Variants in CLDN16 observed in about 807,000 individuals in gnomAD.
CLDN16 encodes claudin 16.
In CLDN16, 13 loss-of-function variants were observed where a neutral mutation model predicts 24.6. The observed-to-expected ratio is 0.53, with a 90% CI of 0.34 to 0.84. The LOEUF is 0.84. Ranked by LOEUF, CLDN16 falls within the 40% of genes least tolerant of loss-of-function variation. The pLI is 0.01. For synonymous variants in CLDN16, 116 were observed against 106.7 expected (o/e 1.09, Z -0.54); for missense variants, 298 against 292.7 (o/e 1.02, Z -0.13).
intron 4 of CLDN16, 28 bp downstream of exon 4, chr3:190,408,533 C>T (rs1336452188): frequency 1.9e-6 from 3 of 1,598,530 alleles, no homozygotes; most frequent in Non-Finnish European, 1.7e-6. Flanking sequence ...TAGCAAATTT[C>T]CTTGCCTCCA....
chr3:190,348,270 A>C (rs1717596518), intron 1 of CLDN16, among the ~76,000 whole-genome samples: 1 of 139,706 alleles, frequency 7.2e-6, no homozygotes, highest in Non-Finnish European at 1.6e-5. Flanking sequence ...AAAAAAAAAA[A>C]AGAATAAATC....
At chr3:190,395,339 T>A (rs758786784) in intron 1 of CLDN16, among the ~76,000 whole-genome samples, 1 of 152,060 alleles carries the variant, frequency 6.6e-6, no homozygotes, top group Non-Finnish European at 1.5e-5. Context: ...ATCTTATAAA[T>A]GTAAGATATA....
At chr3:190,379,113 G>A (rs1718305533) in intron 3 of CLDN16, among the ~76,000 whole-genome samples, 1 of 151,964 alleles carries the variant, frequency 6.6e-6, no homozygotes, top group Non-Finnish European at 1.5e-5. Context: ...TACATAGATT[G>A]GCTTTCTATA....
chr3:190,295,257 A>G, the CLDN16 span, among the ~76,000 whole-genome samples: 1 of 152,174 alleles, frequency 6.6e-6, no homozygotes, highest in Admixed American at 6.5e-5. Context: ...ATTCATCATG[A>G]TGCAGTGATT....
chr3:190,360,914 C>T (rs1474721489), intron 1 of CLDN16, among the ~76,000 whole-genome samples: 1 of 151,822 alleles, frequency 6.6e-6, no homozygotes, highest in East Asian at 1.9e-4. Context: ...ACATATTTAC[C>T]CCCACTGTTC....
Position 190,408,506 on chromosome 3 carries a change from G to A in CLDN16, c.574+1G>A, listed in dbSNP as rs1719165201. The A allele has an allele frequency of 1.2e-6, 2 of 1,613,266 alleles. No individual in the cohort carries two copies. Among genetic ancestry groups the A allele is most frequent in the Non-Finnish European group, 1.7e-6 (2 of 1,179,600 alleles). On this transcript the variant is annotated splice_donor_variant, in intron 4 of 4. Coordinates refer to ENST00000264734, the MANE Select transcript of CLDN16 (RefSeq NM_006580.4). LOFTEE classifies it high-confidence loss of function. Reference sequence around the variant, plus strand: ...ACCTGCTGCTTATATCTTTTTAAAGGTAAGAATAAAATAAAATAGCAAATT... The same window carrying A: ...ACCTGCTGCTTATATCTTTTTAAAGATAAGAATAAAATAAAATAGCAAATT...
At chr3:190,320,105 GT>G (rs1560076780), upstream of CLDN16, among the ~76,000 whole-genome samples, 1 of 152,150 alleles carries the variant, frequency 6.6e-6, no homozygotes, top group Non-Finnish European at 1.5e-5. Flanking sequence ...TTTCACCCTA[GT>G]TTTAAAAACT....
intron 1 of CLDN16, among the ~76,000 whole-genome samples, chr3:190,327,845 A>G (rs932694891): frequency 1.3e-5 from 2 of 152,212 alleles, no homozygotes; most frequent in African/African-American, 2.4e-5. Flanking sequence ...TGATAGAGGA[A>G]GACTCTCTAA....
At chr3:190,363,788 G>A (rs190595923) in intron 1 of CLDN16, among the ~76,000 whole-genome samples, 24 of 151,252 alleles carry the variant, frequency 1.6e-4, no homozygotes, top group Admixed American at 1.3e-3. Context: ...CATGTGATCC[G>A]AAGATCATAT....
intron 1 of CLDN16, 56 bp from the exon 2 acceptor site, chr3:190,402,281 G>A: frequency 1.5e-6 from 2 of 1,312,178 alleles, no homozygotes; most frequent in Non-Finnish European, 1.1e-6. Flanking sequence ...TTGATCAAGG[G>A]GAACTGAACT....
At chr3:190,363,084 A>G (rs1002794066) in intron 1 of CLDN16, among the ~76,000 whole-genome samples, 1 of 151,976 alleles carries the variant, frequency 6.6e-6, no homozygotes, top group African/African-American at 2.4e-5. Flanking sequence ...AGAGACATCA[A>G]TTACAACCAT....
At chr3:190,296,548 ATTTTTT>A in the CLDN16 span, among the ~76,000 whole-genome samples, 1 of 133,708 alleles carries the variant, frequency 7.5e-6, no homozygotes, top group Non-Finnish European at 1.6e-5. Context: ...GTCAGATTTA[ATTTTTT>A]TTTTTTTTTT....
At chr3:190,390,168 T>A (rs1718613255) in intron 1 of CLDN16, among the ~76,000 whole-genome samples, 1 of 152,208 alleles carries the variant, frequency 6.6e-6, no homozygotes, top group African/African-American at 2.4e-5. Context: ...TGAAAAATAG[T>A]TAATATTTCT....
chr3:190,366,431 AT>A (rs1718026484), intron 1 of CLDN16, among the ~76,000 whole-genome samples: 1 of 151,854 alleles, frequency 6.6e-6, no homozygotes. Context: ...TTTTTAAAAA[AT>A]CCCATTTTAA....
rs1719296859 is a variant in CLDN16 at position 190,411,976 on chromosome 3, G to A, written c.*1940G>A. ...AATAAGTGTCTTGAAATCCTTGTGG[G>A]GAAAGGCAGGACAAAAATAATTAGT... On this transcript the variant is annotated 3_prime_UTR_variant, in exon 5 of 5. Coordinates refer to ENST00000264734, the MANE Select transcript of CLDN16 (RefSeq NM_006580.4). 6.6e-6 allele frequency: 1 copy of A among 151,858 alleles called. No homozygotes were observed. The highest frequency in any genetic ancestry group is 1.5e-5 in the Non-Finnish European group (1 of 67,910). The allele number at this position is 151,858 out of a possible 1,614,324, so 9.4% of individuals were successfully genotyped here.
chr3:190,408,295 C>T lies in CLDN16; in HGVS notation c.383-19C>T. On this transcript the variant is annotated intron_variant, in intron 3 of 4. Transcript: ENST00000264734. ...AGAAAATGTCCCCTATTATTTGTAG[C>T]ATCCTCCCTTTCTTTCAGGTACCCC... The T allele has an allele frequency of 1.2e-6, 2 of 1,609,098 alleles. No individual in the cohort carries two copies. Among genetic ancestry groups the T allele is most frequent in the Non-Finnish European group, 1.7e-6 (2 of 1,175,402 alleles).
Position 190,401,967 on chromosome 3 carries a change from T to A in CLDN16, c.115-370T>A, listed in dbSNP as rs552916425. Among the ~76,000 whole-genome samples, 34 of 151,926 alleles carry A rather than the reference T, an allele frequency of 2.2e-4. No individual in the cohort carries two copies. In the South Asian group the frequency reaches 2.7e-3, roughly 12 times the overall value. Reference sequence around the variant, plus strand: ...CATCTATTGTTATATATATATATATTTTTTGGTGAGTAAATGTCAGCACAG... The same window carrying A: ...CATCTATTGTTATATATATATATATATTTTGGTGAGTAAATGTCAGCACAG... On this transcript the variant is annotated intron_variant, in intron 1 of 4. Coordinates refer to ENST00000264734, the MANE Select transcript of CLDN16 (RefSeq NM_006580.4).
At chr3:190,310,896 T>C in the CLDN16 span, among the ~76,000 whole-genome samples, 3 of 152,232 alleles carry the variant, frequency 2.0e-5, no homozygotes, top group Admixed American at 2.0e-4. Flanking sequence ...TATTCAATGA[T>C]AGCAGAGAAA....
chr3:190,381,677 T>C (rs1718375919), intron 3 of CLDN16, among the ~76,000 whole-genome samples: 1 of 152,084 alleles, frequency 6.6e-6, no homozygotes, highest in South Asian at 2.1e-4. Flanking sequence ...ACTGCTTTTG[T>C]ATATTTGTCA....
Sources: allele counts gnomAD v4.1 joint callset (sites outside exome capture counted in the v4.1 genomes callset), GRCh38; gene constraint gnomAD v4.1.1; transcripts MANE v1.5; gene names NCBI Gene and HGNC (gene_info 2026-07-23, HGNC 2026-07-21).